The following MID1 variants were observed in gnomAD, a reference collection of about 807,000 sequenced individuals.
The protein encoded by MID1 is E3 ubiquitin-protein ligase Midline-1.
Under a neutral mutation model 40.4 loss-of-function variants are expected in MID1, and 7 were observed. The observed-to-expected ratio is 0.17, with a 90% CI of 0.10 to 0.33. The LOEUF (loss-of-function observed/expected upper bound fraction) is 0.33, where lower values mean the gene tolerates loss of function less well. Ranked by LOEUF, MID1 falls within the 10% of genes least tolerant of loss-of-function variation. The probability of loss-of-function intolerance (pLI) is 1.00; values close to 1 mark genes in which losing one functional copy is unlikely to be tolerated. For synonymous variants in MID1, 229 were observed against 221.2 expected (o/e 1.04, Z -0.31); for missense variants, 367 against 558.5 (o/e 0.66, Z 3.46).
At chrX:10,632,196 C>G (rs1936059895) in intron 1 of MID1, among the ~76,000 whole-genome samples, 1 of 111,923 alleles carries the variant, frequency 8.9e-6, no homozygotes, top group Non-Finnish European at 1.9e-5. Context: ...AAGCTTCTAG[C>G]AAATACATTC....
intron 1 of MID1, among the ~76,000 whole-genome samples, chrX:10,656,501 C>G (rs1319828340): frequency 9.0e-6 from 1 of 111,618 alleles, no homozygotes; most frequent in East Asian, 2.8e-4. Context: ...ACTGTCATCC[C>G]TCTTCACTTG....
At chrX:10,737,833 TAA>T (rs1219824594) in intron 1 of MID1, among the ~76,000 whole-genome samples, 1 of 109,059 alleles carries the variant, frequency 9.2e-6, no homozygotes, top group Non-Finnish European at 1.9e-5. Flanking sequence ...GAAATAAAAT[TAA>T]GAGAGGGATG....
At chrX:10,455,365 T>C (rs778927177) in intron 8 of MID1, among the ~76,000 whole-genome samples, 5 of 112,034 alleles carry the variant, frequency 4.5e-5, no homozygotes, top group African/African-American at 9.7e-5. Context: ...AAAGAACATG[T>C]TCCTGTCTTC....
chrX:10,620,359 C>T lies in MID1; in HGVS notation c.-126G>A, dbSNP rs1317097038. ...GCTGCATCGGAGCCCGCGTCGCAGT[C>T]TTCAGAGCGGAAACACCGAACCCGA... On this transcript the variant is annotated 5_prime_UTR_variant, in exon 1 of 10. Transcript: ENST00000317552. 1.8e-5 allele frequency: 2 copies of T among 112,643 alleles called. No individual in the cohort carries two copies. The highest frequency in any genetic ancestry group is 3.8e-5 in the Non-Finnish European group (2 of 53,295). 9.3% of individuals were successfully genotyped at this position (112,643 alleles called of 1,213,427 possible).
intron 1 of MID1, among the ~76,000 whole-genome samples, chrX:10,731,179 A>G (rs12006927): frequency 0.038 from 4,213 of 111,472 alleles, 178 homozygotes; most frequent in African/African-American, 0.13. Context: ...CAGAGGGGAC[A>G]CATGGAAAAC....
intron 2 of MID1, among the ~76,000 whole-genome samples, chrX:10,542,623 T>C (rs1187581800): frequency 3.6e-5 from 4 of 112,036 alleles, no homozygotes; most frequent in Non-Finnish European, 7.5e-5. Context: ...AAAATGACCA[T>C]AGATTTAATA....
chrX:10,542,413 C>G (rs1933507895), intron 2 of MID1, among the ~76,000 whole-genome samples: 1 of 111,738 alleles, frequency 8.9e-6, no homozygotes, highest in Admixed American at 9.5e-5. Flanking sequence ...TTAGCAAGGT[C>G]TGCCAGTTGT....
chrX:10,594,805 T>C (rs1935381357), intron 1 of MID1, among the ~76,000 whole-genome samples: 1 of 111,945 alleles, frequency 8.9e-6, no homozygotes, highest in Admixed American at 9.5e-5. Flanking sequence ...TTCTTCACCA[T>C]ACAAGACAAA....
rs1490851495 is a variant in MID1 at position 10,445,575 on chromosome X, A to G, written c.*3793T>C. ...AGAGGGTCTTGGTGCCACAAAAATGATTTTATTTTGAACCAGAAAGGAACA... is the reference window on the plus strand; with the variant it reads ...AGAGGGTCTTGGTGCCACAAAAATGGTTTTATTTTGAACCAGAAAGGAACA... On this transcript the variant is annotated 3_prime_UTR_variant, in exon 10 of 10. Transcript: ENST00000317552. 1 of 112,012 alleles carries G rather than the reference A, an allele frequency of 8.9e-6. No homozygotes were observed. The highest frequency in any genetic ancestry group is 1.9e-5 in the Non-Finnish European group (1 of 53,206). 9.2% of individuals were successfully genotyped at this position (112,012 alleles called of 1,213,427 possible). A position where few individuals can be genotyped will look rare whatever the true frequency, so the allele number is the denominator to read the frequency against.
chrX:10,764,204 C>T (rs2043703422), intron 1 of MID1, among the ~76,000 whole-genome samples: 1 of 111,706 alleles, frequency 9.0e-6, no homozygotes, highest in African/African-American at 3.3e-5. Context: ...GCTTTTGTTG[C>T]CATTGCTTTT....
intron 1 of MID1, among the ~76,000 whole-genome samples, chrX:10,790,611 C>A (rs907213628): frequency 3.6e-5 from 4 of 111,162 alleles, no homozygotes; most frequent in Non-Finnish European, 7.5e-5. Flanking sequence ...TCTCAGTAAG[C>A]CCTGGTGCCA....
intron 1 of MID1, among the ~76,000 whole-genome samples, chrX:10,690,878 G>C (rs1004449894): frequency 8.9e-5 from 10 of 112,213 alleles, no homozygotes; most frequent in Non-Finnish European, 1.1e-4. Context: ...CTTTTATTCT[G>C]AGATTGTACC....
chrX:10,784,789 A>G (rs1489734050), intron 1 of MID1, among the ~76,000 whole-genome samples: 1 of 110,873 alleles, frequency 9.0e-6, no homozygotes, highest in African/African-American at 3.3e-5. Context: ...TGATAGTGCC[A>G]TTGTGAAAAA....
intron 1 of MID1, among the ~76,000 whole-genome samples, chrX:10,610,123 C>T (rs1401435387): frequency 8.9e-6 from 1 of 112,314 alleles, no homozygotes; most frequent in African/African-American, 3.2e-5. Context: ...GAAGAGAATG[C>T]AAAGCTACAC....
chrX:10,467,369 T>TTAC (rs897012958), intron 7 of MID1, among the ~76,000 whole-genome samples: 1 of 112,060 alleles, frequency 8.9e-6, no homozygotes, highest in Non-Finnish European at 1.9e-5. Context: ...GAGCAAAATG[T>TTAC]TACTAAACCA....
intron 1 of MID1, among the ~76,000 whole-genome samples, chrX:10,714,946 C>T (rs1376961653): frequency 1.8e-5 from 2 of 112,642 alleles, no homozygotes; most frequent in Non-Finnish European, 3.7e-5. Flanking sequence ...TCTAATTTCA[C>T]TCCAATCAAG....
chrX:10,549,230 A>G (rs140256564), intron 2 of MID1, among the ~76,000 whole-genome samples: 1,480 of 112,962 alleles, frequency 0.013, 10 homozygotes, highest in Non-Finnish European at 0.019. Context: ...ATGCTAAGAT[A>G]TTTGCCTTAA....
chrX:10,465,214 T>TATATATATATATATATACACAC (rs1477864693), intron 7 of MID1, among the ~76,000 whole-genome samples: 1 of 39,898 alleles, frequency 2.5e-5, no homozygotes, highest in Non-Finnish European at 4.2e-5. Context: ...TATATATATA[T>TATATATATATATATATACACAC]ACACACACAC....
intron 1 of MID1, among the ~76,000 whole-genome samples, chrX:10,720,707 T>C (rs1163317222): frequency 2.7e-5 from 3 of 111,284 alleles, no homozygotes; most frequent in African/African-American, 6.5e-5. Flanking sequence ...GGTATATACC[T>C]AAAGGATTAT....
Sources: allele counts gnomAD v4.1 joint callset (sites outside exome capture counted in the v4.1 genomes callset), GRCh38; gene constraint gnomAD v4.1.1; transcripts MANE v1.5; gene names NCBI Gene and HGNC (gene_info 2026-07-23, HGNC 2026-07-21).